PPP3CB: variants seen among roughly 807,000 people sequenced by gnomAD.
PPP3CB encodes serine/threonine-protein phosphatase 2B catalytic subunit beta isoform.
A neutral mutation model predicts 66.4 loss-of-function variants in PPP3CB; 8 were observed. The observed-to-expected ratio is 0.12, with a 90% CI of 0.07 to 0.22. PPP3CB has a LOEUF of 0.22. PPP3CB is among the 10% of genes least tolerant of loss of function. The pLI, the probability that PPP3CB is intolerant of heterozygous loss-of-function variation, is 1.00. For missense variants in PPP3CB, 319 were observed against 642.5 expected (o/e 0.50, Z 5.44); for synonymous variants, 208 against 221.2 (o/e 0.94, Z 0.53).
chr10:73,458,212 T>C (rs762952422), intron 9 of PPP3CB, among the ~76,000 whole-genome samples: 12 of 152,212 alleles, frequency 7.9e-5, no homozygotes, highest in Middle Eastern at 6.8e-3. Flanking sequence ...TCTTGGCTCA[T>C]TGCAACCTCT....
chr10:73,445,723 G>A (rs1430152162), intron 11 of PPP3CB, among the ~76,000 whole-genome samples: 1 of 139,212 alleles, frequency 7.2e-6, no homozygotes, highest in East Asian at 2.2e-4. Context: ...GTGAGCCACT[G>A]CACCCAGCCT....
At chr10:73,479,247 G>GT (rs2056836687) in intron 2 of PPP3CB, 70 bp downstream of exon 2, 3 of 1,349,866 alleles carry the variant, frequency 2.2e-6, no homozygotes, top group East Asian at 2.3e-5. Context: ...ATTGAAAACA[G>GT]TAAGTTGTAA....
chr10:73,488,256 T>C (rs2057019065), intron 1 of PPP3CB, among the ~76,000 whole-genome samples: 1 of 152,098 alleles, frequency 6.6e-6, no homozygotes, highest in Admixed American at 6.5e-5. Context: ...ATCAAAAGGC[T>C]GATCATGGCT....
chr10:73,463,135 A>G (rs1276144376), intron 9 of PPP3CB, among the ~76,000 whole-genome samples: 1 of 151,954 alleles, frequency 6.6e-6, no homozygotes, highest in Non-Finnish European at 1.5e-5. Flanking sequence ...ATCTCCAACC[A>G]TTCCCTACCC....
chr10:73,452,599 G>C (rs536294762), intron 10 of PPP3CB, among the ~76,000 whole-genome samples: 2 of 152,056 alleles, frequency 1.3e-5, no homozygotes, highest in African/African-American at 4.8e-5. Context: ...GGGAGGCTGA[G>C]GCAGGAGAAT....
intron 8 of PPP3CB, among the ~76,000 whole-genome samples, chr10:73,469,136 T>C (rs1156614428): frequency 6.6e-6 from 1 of 152,212 alleles, no homozygotes; most frequent in African/African-American, 2.4e-5. Flanking sequence ...AGTAAGGCAG[T>C]ACTCAACTGG....
At chr10:73,444,470 C>T in intron 12 of PPP3CB, 1 of 1,009,276 alleles carries the variant, frequency 9.9e-7, no homozygotes, top group Non-Finnish European at 1.4e-6. Flanking sequence ...ATATGAGCTG[C>T]TCCCATATCA....
At chr10:73,439,944 A>T in intron 12 of PPP3CB, 43 bp from the exon 13 acceptor site, 1 of 1,578,146 alleles carries the variant, frequency 6.3e-7, no homozygotes, top group South Asian at 1.1e-5. Context: ...AATGAGAGAG[A>T]TGAGAAGGGT....
chr10:73,484,778 G>A (rs749087462), intron 1 of PPP3CB, among the ~76,000 whole-genome samples: 2 of 152,104 alleles, frequency 1.3e-5, no homozygotes, highest in African/African-American at 2.4e-5. Context: ...TCGGCTGGGC[G>A]TGGTGGCTCA....
chr10:73,480,323 C>G (rs2056853034), intron 1 of PPP3CB, among the ~76,000 whole-genome samples: 1 of 152,118 alleles, frequency 6.6e-6, no homozygotes, highest in South Asian at 2.1e-4. Context: ...AAGTCACTTT[C>G]TGAGTCACCT....
At chr10:73,489,258 G>C (rs2057034338) in intron 1 of PPP3CB, among the ~76,000 whole-genome samples, 4 of 151,908 alleles carry the variant, frequency 2.6e-5, no homozygotes. Context: ...TTCATGCCTT[G>C]GTCATCCCTC....
chr10:73,490,973 CAGGT>C (rs2057063145), intron 1 of PPP3CB, among the ~76,000 whole-genome samples: 1 of 149,836 alleles, frequency 6.7e-6, no homozygotes. Context: ...GTTAGGATTA[CAGGT>C]GCGTGCCACC....
intron 1 of PPP3CB, among the ~76,000 whole-genome samples, chr10:73,487,488 C>T (rs1301950921): frequency 7.2e-6 from 1 of 139,266 alleles, no homozygotes; most frequent in Non-Finnish European, 1.5e-5. Context: ...GCAGAGGTTG[C>T]AGTGAGCCGA....
Position 73,484,356 on chromosome 10 carries a change from G to A in PPP3CB, c.86-4839C>T, listed in dbSNP as rs551544984. On this transcript the variant is annotated intron_variant, in intron 1 of 13. Transcript: ENST00000360663. ...GCAATCTCTGCTCACTGCAAGCTCCGCCCCCCGGGGTTCATGCCATTCTCC... is the reference window on the plus strand; with the variant it reads ...GCAATCTCTGCTCACTGCAAGCTCCACCCCCCGGGGTTCATGCCATTCTCC... Among the ~76,000 whole-genome samples, 5 of 151,516 alleles carry A rather than the reference G, an allele frequency of 3.3e-5. No individual in the cohort carries two copies. In the South Asian group the frequency reaches 8.4e-4, roughly 25 times the overall value.
Position 73,438,143 on chromosome 10 carries a change from G to T in PPP3CB, c.*99C>A. On this transcript the variant is annotated 3_prime_UTR_variant, in exon 14 of 14. Transcript: ENST00000360663. ...AGAAGCACAATGGTTTCTTCAGAGA[G>T]ACTGTGAAATTTACAGTCAGCTTGG... 2 of 1,198,594 alleles carry T rather than the reference G, an allele frequency of 1.7e-6. No individual in the cohort carries two copies. The highest frequency in any genetic ancestry group is 1.2e-6 in the Non-Finnish European group (1 of 854,418). 74.2% of individuals were successfully genotyped at this position (1,198,594 alleles called of 1,614,324 possible). A position where few individuals can be genotyped will look rare whatever the true frequency, so the allele number is the denominator to read the frequency against.
chr10:73,456,359 G>GGAA (rs1191938225), intron 9 of PPP3CB, among the ~76,000 whole-genome samples: 2 of 152,124 alleles, frequency 1.3e-5, no homozygotes, highest in Non-Finnish European at 2.9e-5. Flanking sequence ...GACCTGCTGG[G>GGAA]GAAGACCTGC....
intron 9 of PPP3CB, among the ~76,000 whole-genome samples, chr10:73,457,831 T>C (rs2056454690): frequency 6.6e-6 from 1 of 151,638 alleles, no homozygotes; most frequent in Admixed American, 6.6e-5. Flanking sequence ...GCATATAGAA[T>C]ATCTAAAAAA....
chr10:73,488,822 T>C (rs2057029021), intron 1 of PPP3CB, among the ~76,000 whole-genome samples: 1 of 152,192 alleles, frequency 6.6e-6, no homozygotes, highest in Admixed American at 6.5e-5. Context: ...CATTGTTCTC[T>C]TTCTGAACTC....
chr10:73,492,481 T>C (rs1437429183), intron 1 of PPP3CB, among the ~76,000 whole-genome samples: 2 of 152,208 alleles, frequency 1.3e-5, no homozygotes, highest in Non-Finnish European at 2.9e-5. Flanking sequence ...ATATATAAAT[T>C]CAGGATTTTG....
Sources: gnomAD v4.1 joint callset for allele counts (sites outside exome capture counted in the v4.1 genomes callset) on GRCh38, gnomAD v4.1.1 for gene constraint, MANE v1.5 for transcripts, NCBI Gene and HGNC (gene_info 2026-07-23, HGNC 2026-07-21) for gene names.